CACHD1: variants seen among roughly 807,000 people sequenced by gnomAD.
CACHD1 encodes cache domain containing 1, also known as VWFA and cache domain-containing protein 1.
A neutral mutation model predicts 138.7 loss-of-function variants in CACHD1; 71 were observed. That is an observed-to-expected ratio of 0.51 (90% CI 0.42 to 0.62). The LOEUF (loss-of-function observed/expected upper bound fraction) is 0.62, where lower values mean the gene tolerates loss of function less well. CACHD1 is among the 20% of genes least tolerant of loss of function. CACHD1 has a pLI of 0.00. For missense variants in CACHD1, 1,389 were observed against 1,625.3 expected, an observed-to-expected ratio of 0.85 and a Z score of 2.50; for synonymous variants, 578 against 591.5, an observed-to-expected ratio of 0.98 and a Z score of 0.33.
intron 12 of CACHD1, among the ~76,000 whole-genome samples, chr1:64,657,485 T>C (rs1388622149): frequency 6.6e-6 from 1 of 152,160 alleles, no homozygotes; most frequent in Non-Finnish European, 1.5e-5. Flanking sequence ...GAAAACAAAC[T>C]TAAAAGATGA....
intron 2 of CACHD1, among the ~76,000 whole-genome samples, chr1:64,578,141 C>T (rs1646983817): frequency 6.6e-6 from 1 of 152,192 alleles, no homozygotes; most frequent in South Asian, 2.1e-4. Context: ...ACCATTGCAG[C>T]TTCTTTTAGG....
intron 1 of CACHD1, among the ~76,000 whole-genome samples, chr1:64,474,789 T>C (rs183512284): frequency 1.9e-3 from 289 of 152,384 alleles, no homozygotes; most frequent in African/African-American, 6.7e-3. Flanking sequence ...AGTACAGGCT[T>C]CCTAACAGCA....
chr1:64,653,386 T>TAAAAAAAAAAAA (rs60661882), intron 10 of CACHD1, among the ~76,000 whole-genome samples: 3 of 108,476 alleles, frequency 2.8e-5, no homozygotes, highest in Non-Finnish European at 2.1e-5. Context: ...TAAAAGAAGT[T>TAAAAAAAAAAAA]AAAAAAAAAA....
At chr1:64,582,791 A>G (rs1461686592) in intron 3 of CACHD1, among the ~76,000 whole-genome samples, 1 of 152,124 alleles carries the variant, frequency 6.6e-6, no homozygotes, top group Non-Finnish European at 1.5e-5. Flanking sequence ...GGATATTTTT[A>G]TTTATTGGCC....
intron 3 of CACHD1, among the ~76,000 whole-genome samples, chr1:64,587,677 G>A (rs1197989462): frequency 1.3e-5 from 2 of 152,094 alleles, no homozygotes; most frequent in African/African-American, 2.4e-5. Context: ...CATTTTCAAC[G>A]GTATCACTTA....
intron 2 of CACHD1, among the ~76,000 whole-genome samples, chr1:64,559,242 A>T (rs1336262257): frequency 6.6e-6 from 1 of 152,264 alleles, no homozygotes; most frequent in Admixed American, 6.5e-5. Context: ...CTTGGAATCA[A>T]CCTAAATGCC....
At chr1:64,681,693 T>C (rs1157425274) in intron 25 of CACHD1, among the ~76,000 whole-genome samples, 2 of 152,048 alleles carry the variant, frequency 1.3e-5, no homozygotes, top group African/African-American at 4.8e-5. Context: ...TTAACTAGTA[T>C]GTACAACTCA....
intron 4 of CACHD1, among the ~76,000 whole-genome samples, chr1:64,612,014 A>G (rs1295142335): frequency 1.3e-5 from 2 of 152,192 alleles, no homozygotes; most frequent in African/African-American, 4.8e-5. Flanking sequence ...TTACATGGCA[A>G]CAGGAGGGGA....
intron 2 of CACHD1, among the ~76,000 whole-genome samples, chr1:64,578,560 T>C (rs988136221): frequency 4.6e-5 from 7 of 152,218 alleles, no homozygotes; most frequent in African/African-American, 1.7e-4. Flanking sequence ...GTCAGGATTT[T>C]GACCAGGCAC....
chr1:64,487,079 G>A (rs1048746889), intron 1 of CACHD1, among the ~76,000 whole-genome samples: 1 of 152,128 alleles, frequency 6.6e-6, no homozygotes, highest in Non-Finnish European at 1.5e-5. Context: ...AGAAAGGTGG[G>A]AATAAAGGAA....
intron 16 of CACHD1, among the ~76,000 whole-genome samples, chr1:64,668,726 C>T (rs1435394944): frequency 6.6e-6 from 1 of 152,280 alleles, no homozygotes; most frequent in East Asian, 1.9e-4. Context: ...CGCACCTGGT[C>T]GTTTGAATAT....
chr1:64,658,777 C>A lies in CACHD1; in HGVS notation c.1855C>A (p.Leu619Ile). 6.2e-7 allele frequency: 1 copy of A among 1,609,504 alleles called. No individual in the cohort carries two copies. ...PEIPVKQLKN[L>I]NTVPSSKLLY... Reference sequence around the variant, plus strand: ...AATACCTGTGAAACAACTGAAGAACCTCAACACTGTTCCCAGCAGCAAGCT... The same window carrying A: ...AATACCTGTGAAACAACTGAAGAACATCAACACTGTTCCCAGCAGCAAGCT... Residue 619 changes from leucine (L) to isoleucine (I), a missense_variant, in exon 13 of 27, where the codon CTC (leucine) becomes ATC (isoleucine). This residue lies in a region of CACHD1 where 1,000 missense variants were observed against 1,114.7 expected (regional missense o/e 0.90). Coordinates refer to ENST00000651257, the MANE Select transcript of CACHD1 (RefSeq NM_020925.4).
chr1:64,640,530 A>G (rs1227343619), intron 7 of CACHD1, among the ~76,000 whole-genome samples: 1 of 152,040 alleles, frequency 6.6e-6, no homozygotes, highest in Non-Finnish European at 1.5e-5. Context: ...ACAAAAAATT[A>G]GCCAGGCATA....
In CACHD1 at chr1:64,470,865, A is replaced by G. The variant is rs1442471056; in HGVS notation, c.121A>G (p.Ile41Val). ...LGAGAEADFS[I>V]LDEAQVLASQ... ...CGCCGGGGCCGAAGCCGACTTCTCC[A>G]TCCTGGACGAGGCGCAAGTGCTGGC... The change falls in exon 1 of 27, where the codon ATC becomes GTC. Residue 41 changes from isoleucine (I) to valine (V), a missense_variant. This residue lies in a region of CACHD1 where 1,000 missense variants were observed against 1,114.7 expected (regional missense o/e 0.90). Transcript: ENST00000651257. The surrounding 1 kb of genome is among the most constrained non-coding windows in gnomAD (Gnocchi z 5.2). 6.2e-7 allele frequency: 1 copy of G among 1,603,100 alleles called. No homozygotes were observed. The highest frequency in any genetic ancestry group is 2.2e-5 in the East Asian group (1 of 44,556).
intron 1 of CACHD1, among the ~76,000 whole-genome samples, chr1:64,514,656 G>T (rs1178870445): frequency 6.6e-6 from 1 of 152,128 alleles, no homozygotes; most frequent in Admixed American, 6.5e-5. Context: ...ATTCTTTTTA[G>T]TCTCCAGCAG....
chr1:64,643,606 G>A (rs573357329), intron 8 of CACHD1, among the ~76,000 whole-genome samples: 4 of 152,304 alleles, frequency 2.6e-5, no homozygotes, highest in South Asian at 2.1e-4. Context: ...GGAGGCCAAG[G>A]CGGGCGGATC....
At chr1:64,546,937 A>AT (rs149021246) in intron 1 of CACHD1, among the ~76,000 whole-genome samples, 3 of 152,084 alleles carry the variant, frequency 2.0e-5, no homozygotes, top group East Asian at 1.9e-4. Context: ...CCAAATGCTC[A>AT]TTTTTTTTCC....
intron 1 of CACHD1, among the ~76,000 whole-genome samples, chr1:64,525,431 ATAT>A (rs1252723228): frequency 6.6e-6 from 1 of 152,182 alleles, no homozygotes; most frequent in East Asian, 1.9e-4. Flanking sequence ...TGAGCAGTTC[ATAT>A]TAGATGCTCT....
chr1:64,543,013 G>A (rs568913055), intron 1 of CACHD1, among the ~76,000 whole-genome samples: 58 of 145,716 alleles, frequency 4.0e-4, no homozygotes, highest in East Asian at 2.4e-3. Flanking sequence ...ACACACACAC[G>A]CATAATTAGA....
Sources: gnomAD v4.1 joint callset for allele counts (sites outside exome capture counted in the v4.1 genomes callset) on GRCh38, gnomAD v4.1.1 for gene constraint, gnomAD v4.1.1 regional missense constraint, Gnocchi (gnomAD v3.1) non-coding constraint, MANE v1.5 for transcripts, NCBI Gene and HGNC (gene_info 2026-07-23, HGNC 2026-07-21) for gene names.